Variants in SETD5 observed in about 807,000 individuals in gnomAD.
The protein encoded by SETD5 is SET domain containing 5.
A neutral mutation model predicts 153.3 loss-of-function variants in SETD5; 44 were observed. That is an observed-to-expected ratio of 0.29 (90% CI 0.23 to 0.37). SETD5 has a LOEUF of 0.37. SETD5 is among the 10% of genes least tolerant of loss of function. SETD5 has a pLI of 1.00. For missense variants in SETD5, 1,544 were observed against 1,768.0 expected (o/e 0.87, Z 2.27); for synonymous variants, 716 against 645.2 (o/e 1.11, Z -1.66).
At chr3:9,451,674 G>T (rs1463559864) in intron 16 of SETD5, among the ~76,000 whole-genome samples, 1 of 152,130 alleles carries the variant, frequency 6.6e-6, no homozygotes, top group Non-Finnish European at 1.5e-5. Context: ...TCAAACTCCT[G>T]AGTGCAAGGA....
At chr3:9,429,795 C>A (rs1168384605) in intron 3 of SETD5, 2 of 1,277,078 alleles carry the variant, frequency 1.6e-6, no homozygotes, top group African/African-American at 1.5e-5. Context: ...TGTCCTTTTA[C>A]CTCCCTTGTA....
chr3:9,424,996 A>G (rs926930445), intron 2 of SETD5, among the ~76,000 whole-genome samples: 1 of 151,816 alleles, frequency 6.6e-6, no homozygotes, highest in African/African-American at 2.4e-5. Flanking sequence ...GTTAAACTAG[A>G]CACAAGGAAA....
In SETD5 at chr3:9,464,468, G is replaced by A; in HGVS notation, c.2520G>A (p.Met840Ile). 6.2e-7 allele frequency: 1 copy of A among 1,613,632 alleles called. No individual in the cohort carries two copies. The highest frequency in any genetic ancestry group is 8.5e-7 in the Non-Finnish European group (1 of 1,179,580). The change falls in exon 18 of 23, where the codon ATG (methionine) becomes ATA (isoleucine). Residue 840 changes from methionine to isoleucine, a missense_variant. By Grantham distance (10) the Met-to-Ile change is conservative (BLOSUM62 1). Coordinates refer to ENST00000402198, the MANE Select transcript of SETD5 (RefSeq NM_001080517.3). Reference protein sequence around the residue: ...PLKKWKSRYLMEQNVTKLLRP... With the variant: ...PLKKWKSRYLIEQNVTKLLRP... The stretch of plus-strand genomic sequence containing the variant: ...AGAAATGGAAGTCTCGCTATCTGAT[G>A]GAGCAGAATGTCACCAAGTTACTTC...
At chr3:9,431,435 TC>T (rs2039951947) in intron 3 of SETD5, 1 of 963,280 alleles carries the variant, frequency 1.0e-6, no homozygotes, top group Admixed American at 6.2e-5. Flanking sequence ...ATTCCATTAT[TC>T]CAAACTTTTA....
At chr3:9,459,864 CTT>C (rs1160793947) in intron 17 of SETD5, among the ~76,000 whole-genome samples, 1 of 152,052 alleles carries the variant, frequency 6.6e-6, no homozygotes, top group Admixed American at 6.6e-5. Flanking sequence ...AACACAGTGA[CTT>C]TTATCAATTT....
intron 11 of SETD5, 140 bp from the exon 12 acceptor site, chr3:9,444,908 C>A: frequency 8.9e-7 from 1 of 1,123,170 alleles, no homozygotes; most frequent in Non-Finnish European, 1.3e-6. Flanking sequence ...ATTTATAGGA[C>A]TCTCTAATGT....
intron 1 of SETD5, among the ~76,000 whole-genome samples, chr3:9,423,598 T>C (rs748683592): frequency 2.0e-5 from 3 of 152,246 alleles, no homozygotes; most frequent in Non-Finnish European, 4.4e-5. Flanking sequence ...GTTACTTTGA[T>C]ACTTTTATTT....
intron 17 of SETD5, among the ~76,000 whole-genome samples, chr3:9,460,293 G>A (rs1278445704): frequency 1.3e-5 from 2 of 151,616 alleles, no homozygotes; most frequent in Non-Finnish European, 1.5e-5. Context: ...ACTCTGGAGA[G>A]TAAACTTAAT....
chr3:9,413,637 G>C (rs1232023453), intron 1 of SETD5, among the ~76,000 whole-genome samples: 1 of 132,820 alleles, frequency 7.5e-6, no homozygotes, highest in Admixed American at 8.1e-5. Context: ...TTCTTCGGGT[G>C]GGGGGAGGCG....
chr3:9,474,968 A>G (rs6793068), intron 21 of SETD5, 100 bp from the exon 22 acceptor site: 1 of 1,042,664 alleles, frequency 9.6e-7, no homozygotes, highest in Admixed American at 2.2e-5. Context: ...AGAGAGCAGT[A>G]CGGGTTGGTG....
chr3:9,401,553 C>G (rs1332611856), intron 1 of SETD5, among the ~76,000 whole-genome samples: 1 of 152,106 alleles, frequency 6.6e-6, no homozygotes, highest in Non-Finnish European at 1.5e-5. Context: ...ATGACTATTT[C>G]ATTTTTACCT....
chr3:9,416,825 A>G (rs2037540084), intron 1 of SETD5, among the ~76,000 whole-genome samples: 1 of 152,174 alleles, frequency 6.6e-6, no homozygotes, highest in Admixed American at 6.5e-5. Context: ...CCTGGAAGGA[A>G]GAGAGGTTAT....
chr3:9,455,401 T>G (rs2043125168), intron 17 of SETD5, among the ~76,000 whole-genome samples: 1 of 151,986 alleles, frequency 6.6e-6, no homozygotes, highest in Non-Finnish European at 1.5e-5. Flanking sequence ...CCACCATGCC[T>G]GGCTGTGAAT....
intron 7 of SETD5, chr3:9,436,786 A>G: frequency 7.1e-7 from 1 of 1,406,726 alleles, no homozygotes; most frequent in Non-Finnish European, 9.8e-7. Flanking sequence ...AGTCTCAGAT[A>G]GGTATAACTG....
intron 1 of SETD5, among the ~76,000 whole-genome samples, chr3:9,409,919 T>C (rs1428445039): frequency 6.6e-6 from 1 of 152,190 alleles, no homozygotes; most frequent in Non-Finnish European, 1.5e-5. Context: ...ATACACACAC[T>C]ACAGTTTTAG....
rs1421564431 is a variant in SETD5, at chr3:9,428,870, C to T, written c.-69C>T. 1 of 1,151,696 alleles carries T rather than the reference C, an allele frequency of 8.7e-7. No individual in the cohort carries two copies. The allele number at this position is 1,151,696 out of a possible 1,614,324, so 71.3% of individuals were successfully genotyped here. On this transcript the variant is annotated 5_prime_UTR_variant, in exon 3 of 23. Coordinates refer to ENST00000402198, the MANE Select transcript of SETD5 (RefSeq NM_001080517.3). ...TTGGATGAGGCTCTGCAGCTCACCC[C>T]CACTCTCAGAGTGGTCAGTCTCCAT...
At chr3:9,456,240 C>T (rs1401456602) in intron 17 of SETD5, among the ~76,000 whole-genome samples, 1 of 152,024 alleles carries the variant, frequency 6.6e-6, no homozygotes, top group Non-Finnish European at 1.5e-5. Context: ...CTTTGGGAGG[C>T]CAAGGTGGGC....
In SETD5 at chr3:9,471,785, G is replaced by A. The variant is rs116226714; in HGVS notation, c.3195+856G>A. 6.2e-3 allele frequency among the ~76,000 whole-genome samples: 952 copies of A among 152,334 alleles called. 5 individuals are homozygous for A. The highest frequency in any genetic ancestry group is 0.011 in the Admixed American group (167 of 15,298). On this transcript the variant is annotated intron_variant, in intron 19 of 22. Transcript: ENST00000402198. ...TGTCCCAGTGACTTGCATTTATTGAGCAGGGCCAGGGATGCTGAATGTCCT... is the reference window on the plus strand; with the variant it reads ...TGTCCCAGTGACTTGCATTTATTGAACAGGGCCAGGGATGCTGAATGTCCT...
At position 9,445,054 on chromosome 3, in the gene SETD5, T is replaced by C. The variant is rs2041773185; in HGVS notation, c.1194T>C (p.Tyr398=). Residue 398 remains tyrosine, a synonymous_variant, in exon 12 of 23, where the codon TAT becomes TAC. Transcript: ENST00000402198. ...GGTTGTTTCTTTGGAGCAGTAATTA[T>C]AAAGTGGACTGTGCCTGTCACAAGG... The part of the protein sequence containing the change: ...AFDYEYSNCN[Y]KVDCACHKGN... 6.2e-7 allele frequency: 1 copy of C among 1,612,554 alleles called. No individual in the cohort carries two copies. The highest frequency in any genetic ancestry group is 1.3e-5 in the African/African-American group (1 of 74,828).
Sources: gnomAD v4.1 joint callset for allele counts (sites outside exome capture counted in the v4.1 genomes callset) on GRCh38, gnomAD v4.1.1 for gene constraint, MANE v1.5 for transcripts, NCBI Gene and HGNC (gene_info 2026-07-23, HGNC 2026-07-21) for gene names.